ADGRL3: variants seen among roughly 807,000 people sequenced by gnomAD.
The protein encoded by ADGRL3 is calcium-independent alpha-latrotoxin receptor 3.
Under a neutral mutation model 153.5 loss-of-function variants are expected in ADGRL3, and 62 were observed. The ratio of observed to expected loss-of-function variants is 0.40; its 90% CI spans 0.33 to 0.50. ADGRL3 has a LOEUF of 0.50. ADGRL3 is among the 20% of genes least tolerant of loss of function. The pLI, the probability that ADGRL3 is intolerant of heterozygous loss-of-function variation, is 0.47. For synonymous variants in ADGRL3, 710 were observed against 672.5 expected, an observed-to-expected ratio of 1.06 and a Z score of -0.86; for missense variants, 1,641 against 1,859.4, an observed-to-expected ratio of 0.88 and a Z score of 2.16.
At chr4:61,332,074 A>G (rs1022685307) in intron 1 of ADGRL3, among the ~76,000 whole-genome samples, 21 of 152,152 alleles carry the variant, frequency 1.4e-4, no homozygotes, top group African/African-American at 4.6e-4. Flanking sequence ...GTAGGAGGTG[A>G]TCACATGTAA....
rs563339997 is a variant in ADGRL3, at chr4:61,706,215, T to C, written c.584-24407T>C. Among the ~76,000 whole-genome samples, 3 of 151,906 alleles carry C rather than the reference T, an allele frequency of 2.0e-5. No individual in the cohort carries two copies. In the East Asian group the frequency reaches 5.9e-4, roughly 30 times the overall value. ...GGTGGGTGGATCACAAGGTCAGGAG[T>C]TCGAGACCAGCCTGGCCAATATGGT... On this transcript the variant is annotated intron_variant, in intron 6 of 26. Coordinates refer to ENST00000683033, the MANE Select transcript of ADGRL3 (RefSeq NM_001387552.1).
chr4:61,642,048 C>T (rs1400751683), intron 5 of ADGRL3, among the ~76,000 whole-genome samples: 2 of 150,362 alleles, frequency 1.3e-5, no homozygotes, highest in Non-Finnish European at 3.0e-5. Flanking sequence ...TGATGATGAG[C>T]ATTTTTTCAT....
intron 9 of ADGRL3, among the ~76,000 whole-genome samples, chr4:61,848,082 A>T (rs1181112044): frequency 8.4e-5 from 8 of 95,598 alleles, no homozygotes; most frequent in African/African-American, 2.9e-4. Flanking sequence ...AATATATTAT[A>T]TATATAATAT....
chr4:61,305,857 T>C (rs549027501), intron 1 of ADGRL3, among the ~76,000 whole-genome samples: 19 of 152,218 alleles, frequency 1.2e-4, no homozygotes, highest in African/African-American at 4.3e-4. Flanking sequence ...AGTGGAGGAA[T>C]ATTCATGTCT....
At chr4:62,069,700 G>T (rs1744809131) in intron 26 of ADGRL3, among the ~76,000 whole-genome samples, 1 of 151,948 alleles carries the variant, frequency 6.6e-6, no homozygotes, top group South Asian at 2.1e-4. Context: ...TAAAATTAAA[G>T]GTAATGGAGT....
At chr4:61,620,092 C>G (rs2092391560) in intron 5 of ADGRL3, among the ~76,000 whole-genome samples, 1 of 151,304 alleles carries the variant, frequency 6.6e-6, no homozygotes, top group South Asian at 2.1e-4. Context: ...ATAAGGCTGG[C>G]TTTATGCTTC....
intron 2 of ADGRL3, among the ~76,000 whole-genome samples, chr4:61,399,769 T>C (rs2096908669): frequency 1.3e-5 from 2 of 151,774 alleles, no homozygotes; most frequent in Non-Finnish European, 3.0e-5. Context: ...ATATTTAAAA[T>C]CTTCCCTCTT....
chr4:61,537,123 C>T (rs2152978762), intron 4 of ADGRL3, among the ~76,000 whole-genome samples: 1 of 150,372 alleles, frequency 6.7e-6, no homozygotes. Flanking sequence ...AAGACTTTAT[C>T]TCTCCGTTAT....
intron 4 of ADGRL3, among the ~76,000 whole-genome samples, chr4:61,551,947 T>C (rs1187522252): frequency 6.6e-6 from 1 of 152,190 alleles, no homozygotes; most frequent in African/African-American, 2.4e-5. Flanking sequence ...AAAATTAATG[T>C]AATTACATAC....
intron 15 of ADGRL3, among the ~76,000 whole-genome samples, chr4:61,940,162 T>G (rs1384798700): frequency 7.1e-5 from 7 of 98,800 alleles, no homozygotes; most frequent in African/African-American, 2.8e-4. Context: ...TTCCCACCTA[T>G]GAGTGAGAAT....
chr4:61,952,702 T>C (rs1285447234), intron 17 of ADGRL3, among the ~76,000 whole-genome samples: 4 of 152,202 alleles, frequency 2.6e-5, no homozygotes, highest in Non-Finnish European at 4.4e-5. Flanking sequence ...AGATTGGCTA[T>C]ATATTAACAA....
chr4:61,576,953 T>C (rs945430812), intron 4 of ADGRL3, among the ~76,000 whole-genome samples: 2 of 151,882 alleles, frequency 1.3e-5, no homozygotes, highest in Non-Finnish European at 2.9e-5. Context: ...TTGTGGATAA[T>C]GGATGTATAA....
chr4:61,552,678 A>G (rs2098745723), intron 4 of ADGRL3, among the ~76,000 whole-genome samples: 1 of 152,064 alleles, frequency 6.6e-6, no homozygotes, highest in African/African-American at 2.4e-5. Context: ...TGCATTGCCC[A>G]GACTGGTTGT....
At chr4:62,011,290 A>C (rs997889081) in intron 21 of ADGRL3, among the ~76,000 whole-genome samples, 1 of 152,118 alleles carries the variant, frequency 6.6e-6, no homozygotes, top group Non-Finnish European at 1.5e-5. Context: ...CAAGGAACAC[A>C]ATTAAACTTG....
chr4:61,932,757 T>C lies in ADGRL3; in HGVS notation c.2113-2083T>C, dbSNP rs536943271. ...AGAAGGACTGGTGTTAATTCTTCTT[T>C]AAGTGTAGAAAAATTGAGTAGAATT... On this transcript the variant is annotated intron_variant, in intron 13 of 26. Transcript: ENST00000683033. Among the ~76,000 whole-genome samples the C allele has an allele frequency of 2.0e-5, 3 of 152,152 alleles. No homozygotes were observed. In the South Asian group the frequency reaches 6.2e-4, roughly 31 times the overall value.
intron 1 of ADGRL3, among the ~76,000 whole-genome samples, chr4:61,345,961 TTG>T (rs780831691): frequency 2.0e-5 from 3 of 152,186 alleles, no homozygotes; most frequent in Non-Finnish European, 4.4e-5. Flanking sequence ...CCAGCTCATG[TTG>T]ATAAGATTGA....
intron 1 of ADGRL3, among the ~76,000 whole-genome samples, chr4:61,339,571 A>G (rs2095759765): frequency 6.6e-6 from 1 of 152,228 alleles, no homozygotes; most frequent in Non-Finnish European, 1.5e-5. Flanking sequence ...ATTGCCATCA[A>G]ATAGCACCCA....
chr4:61,216,935 T>C (rs1743070691), intron 1 of ADGRL3, among the ~76,000 whole-genome samples: 1 of 152,250 alleles, frequency 6.6e-6, no homozygotes, highest in African/African-American at 2.4e-5. Context: ...ATTATTTGTG[T>C]TAATTTTTCA....
chr4:61,574,926 A>G (rs373543094), intron 4 of ADGRL3, among the ~76,000 whole-genome samples: 2 of 151,938 alleles, frequency 1.3e-5, no homozygotes, highest in East Asian at 3.9e-4. Context: ...AGGCTTATAT[A>G]TTATTATTAA....
Sources: gnomAD v4.1 joint callset for allele counts (sites outside exome capture counted in the v4.1 genomes callset) on GRCh38, gnomAD v4.1.1 for gene constraint, MANE v1.5 for transcripts, NCBI Gene and HGNC (gene_info 2026-07-23, HGNC 2026-07-21) for gene names.